The following FGF13 variants were observed in gnomAD, a reference collection of about 807,000 sequenced individuals.
FGF13 encodes fibroblast growth factor homologous factor 2.
Under a neutral mutation model 19.5 loss-of-function variants are expected in FGF13, and 2 were observed. The observed-to-expected ratio is 0.10, with a 90% CI of 0.04 to 0.32. The LOEUF is 0.32. Among genes scored for constraint, FGF13 ranks in the 10% least tolerant of loss-of-function variants. FGF13 has a pLI of 1.00. For synonymous variants in FGF13, 72 were observed against 76.9 expected, an observed-to-expected ratio of 0.94 and a Z score of 0.33; for missense variants, 113 against 192.7, an observed-to-expected ratio of 0.59 and a Z score of 2.45.
At chrX:139,101,508 TTCG>T (rs1379418420) in intron 1 of FGF13, among the ~76,000 whole-genome samples, 1 of 112,271 alleles carries the variant, frequency 8.9e-6, no homozygotes, top group Non-Finnish European at 1.9e-5. Context: ...AAAAAGAATA[TTCG>T]ACGGATTGGG....
At chrX:139,163,381 G>A (rs1019279010) in intron 1 of FGF13, among the ~76,000 whole-genome samples, 41 of 110,388 alleles carry the variant, frequency 3.7e-4, no homozygotes, top group African/African-American at 1.2e-3. Flanking sequence ...ATCACACACT[G>A]GGGCCTGTCA....
At chrX:139,018,356 G>C (rs1168323144) in intron 1 of FGF13, among the ~76,000 whole-genome samples, 1 of 111,600 alleles carries the variant, frequency 9.0e-6, no homozygotes, top group Non-Finnish European at 1.9e-5. Context: ...AGGACTATCA[G>C]GCCAGTGCAG....
At chrX:138,674,464 G>A (rs1293095913) in intron 3 of FGF13, among the ~76,000 whole-genome samples, 1 of 111,100 alleles carries the variant, frequency 9.0e-6, no homozygotes, top group Non-Finnish European at 1.9e-5. Flanking sequence ...ATTACGGTGG[G>A]AGAAACAGAA....
At chrX:139,058,561 A>G (rs982767861) in intron 1 of FGF13, among the ~76,000 whole-genome samples, 3 of 111,667 alleles carry the variant, frequency 2.7e-5, no homozygotes, top group African/African-American at 6.5e-5. Flanking sequence ...CCAATTTTCT[A>G]TATCAGTTGT....
chrX:138,976,890 G>C (rs180689626), intron 1 of FGF13, among the ~76,000 whole-genome samples: 4 of 110,940 alleles, frequency 3.6e-5, no homozygotes, highest in South Asian at 8.0e-4. Flanking sequence ...AAAGGTCAGA[G>C]TCACCATTTT....
chrX:138,978,361 C>T (rs1418598520), intron 1 of FGF13, among the ~76,000 whole-genome samples: 2 of 104,569 alleles, frequency 1.9e-5, no homozygotes, highest in Non-Finnish European at 3.9e-5. Flanking sequence ...CTCCCGGGTT[C>T]ACGCCATTCT....
In FGF13 at chrX:139,111,706, G is replaced by A. The variant is rs185515720; in HGVS notation, c.-113+91710C>T. 2.7e-3 allele frequency among the ~76,000 whole-genome samples: 297 copies of A among 111,476 alleles called. 1 individual carries two copies. Among genetic ancestry groups the A allele is most frequent in the Non-Finnish European group, 4.4e-3 (231 of 53,101 alleles). ...ACACACGCTGCTGCTTCTCATAAACGGGGAAAGTTTACATAAGAGAAACAA... is the reference window on the plus strand; with the variant it reads ...ACACACGCTGCTGCTTCTCATAAACAGGGAAAGTTTACATAAGAGAAACAA... On this transcript the variant is annotated intron_variant, in intron 1 of 2. Transcript: ENST00000421460.
In FGF13 at chrX:139,032,312, G is replaced by T. The variant is rs73581263; in HGVS notation, c.-112-167662C>A. On this transcript the variant is annotated intron_variant, in intron 1 of 2. Coordinates refer to the FGF13 transcript ENST00000421460. ...AGCCCTTTCTGTTTAGCTTTCCTTGGACACCAAACCACGCATCTTCCACCA... is the reference window on the plus strand; with the variant it reads ...AGCCCTTTCTGTTTAGCTTTCCTTGTACACCAAACCACGCATCTTCCACCA... 7.7e-3 allele frequency among the ~76,000 whole-genome samples: 863 copies of T among 111,421 alleles called. 7 individuals are homozygous for T. Among genetic ancestry groups the T allele is most frequent in the African/African-American group, 0.026 (798 of 30,683 alleles).
intron 1 of FGF13, among the ~76,000 whole-genome samples, chrX:139,009,098 C>T (rs1458193625): frequency 9.0e-6 from 1 of 111,573 alleles, no homozygotes; most frequent in African/African-American, 3.3e-5. Context: ...AGAACCAAAT[C>T]CATCAAAGAC....
At chrX:139,066,645 C>T (rs186765904) in intron 1 of FGF13, among the ~76,000 whole-genome samples, 7 of 111,332 alleles carry the variant, frequency 6.3e-5, no homozygotes, top group Admixed American at 4.8e-4. Context: ...AGTAGCCTAC[C>T]AACCAAAACG....
At chrX:138,815,014 T>C (rs1394877826) in intron 3 of FGF13, among the ~76,000 whole-genome samples, 1 of 111,524 alleles carries the variant, frequency 9.0e-6, no homozygotes, top group Non-Finnish European at 1.9e-5. Flanking sequence ...AGTGTTAAAA[T>C]AAAATGAATT....
intron 1 of FGF13, among the ~76,000 whole-genome samples, chrX:139,000,274 A>G (rs1332664472): frequency 8.9e-6 from 1 of 112,129 alleles, no homozygotes; most frequent in African/African-American, 3.2e-5. Flanking sequence ...GAAAACCAGC[A>G]CAAGACAAGG....
At chrX:138,679,427 G>A (rs943858049) in intron 3 of FGF13, among the ~76,000 whole-genome samples, 2 of 111,073 alleles carry the variant, frequency 1.8e-5, no homozygotes, top group Non-Finnish European at 3.8e-5. Flanking sequence ...TTTCCCAAGA[G>A]CACACAGCTT....
chrX:138,960,245 T>C, intron 1 of FGF13, among the ~76,000 whole-genome samples: 1 of 111,670 alleles, frequency 9.0e-6, no homozygotes, highest in Admixed American at 9.5e-5. Context: ...AGCATTTGCT[T>C]GTCTGTAAAG....
At chrX:138,865,480 C>T (rs2091317281) in intron 1 of FGF13, among the ~76,000 whole-genome samples, 1 of 97,419 alleles carries the variant, frequency 1.0e-5, no homozygotes, top group African/African-American at 3.9e-5. Context: ...TCTCCTCTCT[C>T]TCTCTCCTCT....
intron 1 of FGF13, among the ~76,000 whole-genome samples, chrX:138,995,131 G>T (rs1042499937): frequency 9.0e-6 from 1 of 110,987 alleles, no homozygotes; most frequent in African/African-American, 3.3e-5. Flanking sequence ...CCTAGCAATG[G>T]TCACATGGCA....
chrX:138,745,500 C>T (rs1010923183), intron 3 of FGF13, among the ~76,000 whole-genome samples: 9 of 111,803 alleles, frequency 8.0e-5, no homozygotes, highest in Admixed American at 1.9e-4. Flanking sequence ...AGGCACCAAC[C>T]CCGGCTTCAA....
chrX:139,022,210 A>G (rs2092180732), intron 1 of FGF13, among the ~76,000 whole-genome samples: 1 of 111,595 alleles, frequency 9.0e-6, no homozygotes, highest in South Asian at 3.7e-4. Context: ...ATTTTCTTCT[A>G]AGATGAGAGA....
At position 139,080,394 on chromosome X, in the gene FGF13, T is replaced by C. The variant is rs753108453; in HGVS notation, c.-113+123022A>G. On this transcript the variant is annotated intron_variant, in intron 1 of 2. Coordinates refer to the FGF13 transcript ENST00000421460. ...TCCACATTCAATACTTGTGTAGAAG[T>C]ATTATCTGTCATGTTATAAAATAAG... Among the ~76,000 whole-genome samples the C allele has an allele frequency of 6.3e-5, 7 of 111,998 alleles. No homozygotes were observed. In the South Asian group the frequency reaches 2.6e-3, roughly 42 times the overall value.
Sources: allele counts gnomAD v4.1 joint callset (sites outside exome capture counted in the v4.1 genomes callset), GRCh38; gene constraint gnomAD v4.1.1; transcripts MANE v1.5; gene names NCBI Gene and HGNC (gene_info 2026-07-23, HGNC 2026-07-21).